The following NAALAD2 variants were observed in gnomAD, a reference collection of about 807,000 sequenced individuals.
NAALAD2 encodes N-acetylated alpha-linked acidic dipeptidase 2, also known as N-acetylated-alpha-linked acidic dipeptidase 2.
Under a neutral mutation model 95.6 loss-of-function variants are expected in NAALAD2, and 89 were observed. The ratio of observed to expected loss-of-function variants is 0.93; its 90% CI spans 0.78 to 1.11. The LOEUF (loss-of-function observed/expected upper bound fraction) is 1.11, where lower values mean the gene tolerates loss of function less well. Among genes scored for constraint, NAALAD2 ranks in the 50% least tolerant of loss-of-function variants. NAALAD2 has a pLI of 0.00. For synonymous variants in NAALAD2, 264 were observed against 294.4 expected, an observed-to-expected ratio of 0.90 and a Z score of 1.06; for missense variants, 894 against 872.4, an observed-to-expected ratio of 1.02 and a Z score of -0.31.
At chr11:90,133,569 A>C (rs1590945963), upstream of NAALAD2, among the ~76,000 whole-genome samples, 1 of 152,332 alleles carries the variant, frequency 6.6e-6, no homozygotes, top group South Asian at 2.1e-4. Flanking sequence ...TTACCCAATA[A>C]CCAATGAGGT....
intron 16 of NAALAD2, 105 bp from the exon 17 acceptor site, chr11:90,181,515 G>T: frequency 5.6e-6 from 4 of 709,232 alleles, no homozygotes; most frequent in East Asian, 2.7e-5. Flanking sequence ...TAGAAAAATG[G>T]CTTCGACATC....
chr11:90,179,825 C>T (rs1332945816), intron 16 of NAALAD2, among the ~76,000 whole-genome samples: 1 of 152,080 alleles, frequency 6.6e-6, no homozygotes, highest in Non-Finnish European at 1.5e-5. Flanking sequence ...AATTCTTCTA[C>T]CTACTTACCT....
chr11:90,189,713 G>A (rs987033364), intron 18 of NAALAD2, among the ~76,000 whole-genome samples: 5 of 151,762 alleles, frequency 3.3e-5, no homozygotes, highest in African/African-American at 1.2e-4. Context: ...AGGTTGCAGT[G>A]AGCCGAGATC....
chr11:90,175,691 G>A (rs1363151746), intron 14 of NAALAD2, among the ~76,000 whole-genome samples: 1 of 152,096 alleles, frequency 6.6e-6, no homozygotes, highest in East Asian at 1.9e-4. Context: ...GCAGTCTTTG[G>A]TGGCACAGCC....
In NAALAD2 at chr11:90,181,725, TTAAAA is replaced by T. The variant is rs532102658; in HGVS notation, c.1940+25_1940+29del. The T allele has an allele frequency of 5.8e-3, 7,895 of 1,364,844 alleles. 264 individuals carry two copies. In the African/African-American group the frequency reaches 0.097, roughly 17 times the overall value. The allele number at this position is 1,364,844 out of a possible 1,614,324, so 84.5% of individuals were successfully genotyped here. A position where few individuals can be genotyped will look rare whatever the true frequency, so the allele number is the denominator to read the frequency against. Reference sequence around the variant, plus strand: ...AAGTAAGTTTCAAATCCCTTTTTTTTTAAAAAAAAAAAAAAAAGCAATCTGGTTAC... The same window carrying T: ...AAGTAAGTTTCAAATCCCTTTTTTTTAAAAAAAAAAAAGCAATCTGGTTAC... On this transcript the variant is annotated intron_variant, in intron 17 of 18. Coordinates refer to ENST00000534061, the MANE Select transcript of NAALAD2 (RefSeq NM_005467.4).
intron 18 of NAALAD2, among the ~76,000 whole-genome samples, chr11:90,191,122 T>G (rs1857311641): frequency 6.6e-6 from 1 of 152,190 alleles, no homozygotes; most frequent in South Asian, 2.1e-4. Context: ...TTACTTGTTT[T>G]TTAATGTCTA....
At chr11:90,170,738 G>C in intron 13 of NAALAD2, among the ~76,000 whole-genome samples, 1 of 152,170 alleles carries the variant, frequency 6.6e-6, no homozygotes, top group East Asian at 1.9e-4. Flanking sequence ...CAGAGTCACT[G>C]ATGTTTGGAC....
intron 6 of NAALAD2, among the ~76,000 whole-genome samples, chr11:90,155,453 A>G (rs1455412058): frequency 2.9e-5 from 3 of 102,978 alleles, no homozygotes; most frequent in African/African-American, 1.2e-4. Context: ...TATAATATGT[A>G]ATATGTAATA....
At chr11:90,166,739 G>T (rs1157865395) in intron 11 of NAALAD2, among the ~76,000 whole-genome samples, 1 of 151,774 alleles carries the variant, frequency 6.6e-6, no homozygotes, top group Non-Finnish European at 1.5e-5. Flanking sequence ...GGAGGCTGAG[G>T]CAGGAGAATG....
At chr11:90,135,457 A>G (rs1951430399) in intron 1 of NAALAD2, 102 bp from the exon 2 acceptor site, 1 of 629,866 alleles carries the variant, frequency 1.6e-6, no homozygotes, top group Non-Finnish European at 2.6e-6. Context: ...TTGTCAGATA[A>G]AGGCTTTTTG....
At position 90,163,424 on chromosome 11, in the gene NAALAD2, G is replaced by A. The variant is rs1201005292; in HGVS notation, c.1190G>A (p.Ser397Asn). ...GCCCGGAGTTTTGGAAAACTGATGA[G>A]TAAAGGTAAACAACCTTTCTTTCCT... Reference protein sequence around the residue: ...EIARSFGKLMSKGWRPRRTII... With the variant: ...EIARSFGKLMNKGWRPRRTII... The change falls in exon 10 of 19, where the codon AGT becomes AAT. Residue 397 changes from serine (S) to asparagine (N), a missense_variant. Coordinates refer to ENST00000534061, the MANE Select transcript of NAALAD2 (RefSeq NM_005467.4). 1 of 1,613,938 alleles carries A rather than the reference G, an allele frequency of 6.2e-7. No individual in the cohort carries two copies. Among genetic ancestry groups the A allele is most frequent in the Non-Finnish European group, 8.5e-7 (1 of 1,179,910 alleles).
intron 8 of NAALAD2, among the ~76,000 whole-genome samples, chr11:90,160,915 T>A (rs1232303192): frequency 1.3e-5 from 2 of 152,140 alleles, no homozygotes; most frequent in African/African-American, 4.8e-5. Context: ...CTCACAGAGA[T>A]CTTGAAAATC....
In NAALAD2 at chr11:90,145,260, T is replaced by C. The variant is rs145484022; in HGVS notation, c.195-2070T>C. Among the ~76,000 whole-genome samples, 233 of 152,272 alleles carry C rather than the reference T, an allele frequency of 1.5e-3. 1 individual carries two copies. The highest frequency in any genetic ancestry group is 5.2e-3 in the African/African-American group (216 of 41,554). On this transcript the variant is annotated intron_variant, in intron 2 of 18. Transcript: ENST00000534061. ...ATGCCTGGCGCTGTAATGCCCATCTTGGGACCATACAGAGAAACCCTGATA... is the reference window on the plus strand; with the variant it reads ...ATGCCTGGCGCTGTAATGCCCATCTCGGGACCATACAGAGAAACCCTGATA...
intron 12 of NAALAD2, chr11:90,169,604 T>G (rs1952575732): frequency 6.2e-6 from 1 of 161,566 alleles, no homozygotes. Flanking sequence ...GGAGACAGTA[T>G]GATTCAGAAA....
intron 6 of NAALAD2, among the ~76,000 whole-genome samples, chr11:90,154,882 AAT>A (rs67760649): frequency 0.15 from 11,546 of 75,046 alleles, 2,053 homozygotes; most frequent in African/African-American, 0.31. Flanking sequence ...ACGTATACAT[AAT>A]ATATGTATAT....
intron 2 of NAALAD2, among the ~76,000 whole-genome samples, chr11:90,144,920 T>C (rs180810225): frequency 6.6e-6 from 1 of 151,942 alleles, no homozygotes; most frequent in Non-Finnish European, 1.5e-5. Context: ...TGGGAACAAT[T>C]GTATTTCTCC....
At chr11:90,165,292 T>C (rs1952409039) in intron 11 of NAALAD2, among the ~76,000 whole-genome samples, 1 of 152,216 alleles carries the variant, frequency 6.6e-6, no homozygotes, top group African/African-American at 2.4e-5. Context: ...TGTGTGTATG[T>C]GTCTTTATAA....
chr11:90,142,579 C>T (rs1420899687), intron 2 of NAALAD2, among the ~76,000 whole-genome samples: 1 of 152,098 alleles, frequency 6.6e-6, no homozygotes, highest in Non-Finnish European at 1.5e-5. Flanking sequence ...ACACAGTTGT[C>T]ATTTGCTGTT....
intron 2 of NAALAD2, among the ~76,000 whole-genome samples, chr11:90,140,691 G>T (rs894273598): frequency 2.6e-5 from 4 of 151,842 alleles, no homozygotes; most frequent in Admixed American, 6.6e-5. Context: ...ACCCTCATTT[G>T]CAGATCAGAA....
Sources: gnomAD v4.1 joint callset for allele counts (sites outside exome capture counted in the v4.1 genomes callset) on GRCh38, gnomAD v4.1.1 for gene constraint, MANE v1.5 for transcripts, NCBI Gene and HGNC (gene_info 2026-07-23, HGNC 2026-07-21) for gene names.